SLC9A9: variants seen among roughly 807,000 people sequenced by gnomAD.
SLC9A9 encodes the protein sodium/hydrogen exchanger 9.
In SLC9A9, 62 loss-of-function variants were observed where a neutral mutation model predicts 77.8. The observed-to-expected ratio is 0.80, with a 90% confidence interval of 0.65 to 0.98. SLC9A9 has a LOEUF of 0.98. SLC9A9 is among the 50% of genes least tolerant of loss of function. The pLI is 0.00. For synonymous variants in SLC9A9, 320 were observed against 283.5 expected, an observed-to-expected ratio of 1.13 and a Z score of -1.29; for missense variants, 775 against 774.9, an observed-to-expected ratio of 1.00 and a Z score of 0.00.
At chr3:143,612,465 G>A (rs1355355575) in intron 6 of SLC9A9, among the ~76,000 whole-genome samples, 3 of 152,146 alleles carry the variant, frequency 2.0e-5, no homozygotes, top group African/African-American at 7.2e-5. Context: ...TCTTCAGGGT[G>A]GTACCCCTGT....
chr3:143,382,671 C>A (rs1469779501), intron 12 of SLC9A9, among the ~76,000 whole-genome samples: 4 of 152,134 alleles, frequency 2.6e-5, no homozygotes, highest in Admixed American at 6.5e-5. Flanking sequence ...GAAAGTGACT[C>A]TTCAGAAGGA....
At chr3:143,343,886 G>A (rs2032183988) in intron 14 of SLC9A9, among the ~76,000 whole-genome samples, 1 of 152,070 alleles carries the variant, frequency 6.6e-6, no homozygotes, top group Non-Finnish European at 1.5e-5. Context: ...AGTGATCAAT[G>A]GTCTAACCAG....
chr3:143,438,011 A>G (rs2034655666), intron 12 of SLC9A9, among the ~76,000 whole-genome samples: 1 of 152,210 alleles, frequency 6.6e-6, no homozygotes, highest in African/African-American at 2.4e-5. Context: ...CATTTTTACT[A>G]AATTGTTTTC....
intron 9 of SLC9A9, among the ~76,000 whole-genome samples, chr3:143,527,523 C>T: frequency 6.6e-6 from 1 of 152,172 alleles, no homozygotes; most frequent in Non-Finnish European, 1.5e-5. Flanking sequence ...GGCATTGTGT[C>T]AAAATTTGTC....
intron 9 of SLC9A9, among the ~76,000 whole-genome samples, chr3:143,516,517 C>T (rs1276237443): frequency 6.6e-6 from 1 of 152,118 alleles, no homozygotes; most frequent in Non-Finnish European, 1.5e-5. Flanking sequence ...TTAAATGCTA[C>T]ATTTAATTAG....
In SLC9A9 at chr3:143,726,806, T is replaced by C. The variant is rs182574335; in HGVS notation, c.534-33499A>G. ...GAAGAAATCATATTCTGGGAGGATA[T>C]GGTTGATTGGAAATACAGTGACCAA... is the stretch of plus-strand genomic sequence containing the variant. On this transcript the variant is annotated intron_variant, in intron 4 of 15. Coordinates refer to ENST00000316549, the MANE Select transcript of SLC9A9 (RefSeq NM_173653.4). Among the ~76,000 whole-genome samples, 138 of 152,264 alleles carry C rather than the reference T, an allele frequency of 9.1e-4. 1 individual carries two copies. The highest frequency in any genetic ancestry group is 9.0e-4 in the Non-Finnish European group (61 of 68,008).
intron 8 of SLC9A9, among the ~76,000 whole-genome samples, chr3:143,568,338 T>C (rs925231253): frequency 7.2e-5 from 11 of 152,194 alleles, no homozygotes; most frequent in African/African-American, 2.2e-4. Flanking sequence ...ATGTTATCCA[T>C]TGGAGTTGGG....
intron 9 of SLC9A9, among the ~76,000 whole-genome samples, chr3:143,544,258 G>T (rs1018273825): frequency 6.6e-6 from 1 of 151,932 alleles, no homozygotes; most frequent in South Asian, 2.1e-4. Context: ...ACGGAGGCTC[G>T]CTCTGTCGCC....
At chr3:143,436,649 A>G (rs2034627144) in intron 12 of SLC9A9, among the ~76,000 whole-genome samples, 1 of 152,238 alleles carries the variant, frequency 6.6e-6, no homozygotes, top group Non-Finnish European at 1.5e-5. Flanking sequence ...AAAATAAAAC[A>G]TTGCCTTGTT....
intron 5 of SLC9A9, among the ~76,000 whole-genome samples, chr3:143,669,215 T>C (rs1263336758): frequency 6.6e-6 from 1 of 152,218 alleles, no homozygotes; most frequent in Non-Finnish European, 1.5e-5. Context: ...GGAAATACTC[T>C]CTAAGAATTA....
At chr3:143,517,023 T>C (rs1001227435) in intron 9 of SLC9A9, 1 of 729,086 alleles carries the variant, frequency 1.4e-6, no homozygotes, top group Non-Finnish European at 2.3e-6. Context: ...AATTTCTGTT[T>C]ATTGAGTAAT....
intron 6 of SLC9A9, among the ~76,000 whole-genome samples, chr3:143,622,428 T>C (rs931036793): frequency 3.3e-5 from 5 of 152,126 alleles, no homozygotes; most frequent in Non-Finnish European, 1.5e-5. Flanking sequence ...CGGCAGAAAC[T>C]CTACAAGCCA....
intron 11 of SLC9A9, among the ~76,000 whole-genome samples, chr3:143,474,971 T>C (rs902764783): frequency 9.2e-5 from 14 of 151,514 alleles, no homozygotes; most frequent in African/African-American, 2.4e-5. Flanking sequence ...TTTTTTTTTT[T>C]TTTTTGAGAC....
intron 6 of SLC9A9, among the ~76,000 whole-genome samples, chr3:143,583,048 G>C (rs907947482): frequency 3.9e-5 from 6 of 152,140 alleles, no homozygotes; most frequent in Admixed American, 1.3e-4. Context: ...GGCTACTCAG[G>C]AGGCTGAGGT....
intron 9 of SLC9A9, among the ~76,000 whole-genome samples, chr3:143,500,743 T>A (rs1265344975): frequency 6.6e-6 from 1 of 151,100 alleles, no homozygotes; most frequent in African/African-American, 2.5e-5. Context: ...ATGGTATTTA[T>A]AATGTTATAG....
chr3:143,632,879 T>A (rs544341534), intron 6 of SLC9A9, among the ~76,000 whole-genome samples: 2 of 152,286 alleles, frequency 1.3e-5, no homozygotes, highest in African/African-American at 2.4e-5. Context: ...ATATTAGGGC[T>A]CCATCAGGTC....
intron 6 of SLC9A9, among the ~76,000 whole-genome samples, chr3:143,638,974 C>A (rs975530377): frequency 6.6e-6 from 1 of 152,130 alleles, no homozygotes; most frequent in Non-Finnish European, 1.5e-5. Flanking sequence ...ATTGATTTGG[C>A]CCCTTGTTCT....
chr3:143,710,275 G>A (rs961270089), intron 4 of SLC9A9, among the ~76,000 whole-genome samples: 10 of 152,144 alleles, frequency 6.6e-5, no homozygotes, highest in African/African-American at 2.4e-4. Context: ...AATTCAGCCA[G>A]GCAAAAGCAG....
At chr3:143,682,870 C>A (rs1359606270) in intron 5 of SLC9A9, among the ~76,000 whole-genome samples, 1 of 152,144 alleles carries the variant, frequency 6.6e-6, no homozygotes, top group East Asian at 1.9e-4. Context: ...CTTTCAGAGA[C>A]CCATGTGATT....
Sources: gnomAD v4.1 joint callset for allele counts (sites outside exome capture counted in the v4.1 genomes callset) on GRCh38, gnomAD v4.1.1 for gene constraint, MANE v1.5 for transcripts, NCBI Gene and HGNC (gene_info 2026-07-23, HGNC 2026-07-21) for gene names.